The following MRPL58 variants were observed in gnomAD, a reference collection of about 807,000 sequenced individuals.
MRPL58 encodes large ribosomal subunit protein mL62.
MRPL58 carries 17 observed loss-of-function variants against 26.0 expected under a neutral mutation model. The ratio of observed to expected loss-of-function variants is 0.65; its 90% confidence interval spans 0.45 to 0.98. MRPL58 has a LOEUF of 0.98. Ranked by LOEUF, MRPL58 falls within the 50% of genes least tolerant of loss-of-function variation. The probability of loss-of-function intolerance (pLI) is 0.00; values close to 1 mark genes in which losing one functional copy is unlikely to be tolerated. For synonymous variants in MRPL58, 100 were observed against 99.7 expected (o/e 1.00, Z -0.02); for missense variants, 250 against 269.0 (o/e 0.93, Z 0.49).
intron 1 of MRPL58, among the ~76,000 whole-genome samples, chr17:75,015,063 T>C (rs2039963307): frequency 6.6e-6 from 1 of 152,116 alleles, no homozygotes; most frequent in Non-Finnish European, 1.5e-5. Flanking sequence ...GTAAGGGAAG[T>C]CCTCTGAGGC....
chr17:75,019,219 G>A (rs548281490), intron 2 of MRPL58, among the ~76,000 whole-genome samples: 22 of 152,190 alleles, frequency 1.4e-4, no homozygotes, highest in African/African-American at 4.3e-4. Flanking sequence ...AACTGGAGGC[G>A]AAGAGAAGTG....
At chr17:75,018,026 G>A (rs2039986617) in intron 2 of MRPL58, among the ~76,000 whole-genome samples, 1 of 152,160 alleles carries the variant, frequency 6.6e-6, no homozygotes, top group Non-Finnish European at 1.5e-5. Context: ...GTGTGCAGAA[G>A]TAGAATCTTT....
intron 1 of MRPL58, among the ~76,000 whole-genome samples, chr17:75,015,184 G>A (rs995185762): frequency 7.9e-5 from 12 of 152,162 alleles, no homozygotes; most frequent in Admixed American, 7.2e-4. Context: ...AAAGTTGGGT[G>A]TCAAAAACAG....
At chr17:75,020,464 C>T (rs772904543) in intron 4 of MRPL58, 24 bp from the exon 5 acceptor site, 8 of 1,613,616 alleles carry the variant, frequency 5.0e-6, no homozygotes, top group Middle Eastern at 1.6e-4. Flanking sequence ...TGTAGGACTC[C>T]AGTTTTTCAT....
At chr17:75,014,470 G>T (rs761292913) in intron 1 of MRPL58, among the ~76,000 whole-genome samples, 1 of 139,480 alleles carries the variant, frequency 7.2e-6, no homozygotes, top group South Asian at 2.4e-4. Flanking sequence ...TTGAGACAGG[G>T]TCTTACTCTG....
chr17:75,020,281 C>G lies in MRPL58; in HGVS notation c.284-32C>G, dbSNP rs375465568. ...GTTGATCCTTCCTGGAAGTCTCAGG[C>G]ACCCATGCTCCCTTCTCCCTTTCCT... On this transcript the variant is annotated intron_variant, in intron 3 of 5. Coordinates refer to ENST00000301585, the MANE Select transcript of MRPL58 (RefSeq NM_001545.3). The G allele has an allele frequency of 6.4e-6, 10 of 1,567,596 alleles. No individual in the cohort carries two copies. In the African/African-American group the frequency reaches 1.2e-4, roughly 19 times the overall value.
intron 2 of MRPL58, chr17:75,018,693 A>G (rs569993913): frequency 6.6e-6 from 1 of 152,286 alleles, no homozygotes; most frequent in African/African-American, 2.4e-5. Context: ...AGACATTTCC[A>G]TGTAAATAAA....
chr17:75,016,622 T>A (rs2039976298), intron 1 of MRPL58, among the ~76,000 whole-genome samples: 1 of 152,208 alleles, frequency 6.6e-6, no homozygotes, highest in African/African-American at 2.4e-5. Context: ...GTAGTTAGTT[T>A]GACAGAAACC....
chr17:75,015,415 CAG>C (rs569814621), intron 1 of MRPL58, among the ~76,000 whole-genome samples: 77 of 152,264 alleles, frequency 5.1e-4, no homozygotes, highest in African/African-American at 1.8e-3. Context: ...ACCCAGGAGG[CAG>C]AGGTTGCAGT....
chr17:75,012,995 AG>A, intron 1 of MRPL58, 123 bp downstream of exon 1: 1 of 888,512 alleles, frequency 1.1e-6, no homozygotes, highest in South Asian at 1.6e-5. Context: ...TCGCCGCGGG[AG>A]GGGGCTGGCT....
At chr17:75,020,169 T>C (rs2040004880) in intron 3 of MRPL58, 144 bp from the exon 4 acceptor site, 1 of 676,504 alleles carries the variant, frequency 1.5e-6, no homozygotes, top group Non-Finnish European at 2.6e-6. Context: ...GCGGGCTTGT[T>C]CATAGCCAAC....
chr17:75,013,345 G>A (rs2039948167), intron 1 of MRPL58, among the ~76,000 whole-genome samples: 1 of 152,178 alleles, frequency 6.6e-6, no homozygotes, highest in Admixed American at 6.5e-5. Flanking sequence ...ATTGAATCAA[G>A]CCCCGGAGCA....
chr17:75,015,987 G>A (rs2039970961), intron 1 of MRPL58, among the ~76,000 whole-genome samples: 1 of 151,556 alleles, frequency 6.6e-6, no homozygotes, highest in African/African-American at 2.4e-5. Flanking sequence ...GTTTCACCAT[G>A]TTGTCCAGGC....
rs1263692482 is a variant in MRPL58 at position 75,020,653 on chromosome 17, A to G, written c.532A>G (p.Ile178Val). 6.2e-7 allele frequency: 1 copy of G among 1,613,956 alleles called. No individual in the cohort carries two copies. Among genetic ancestry groups the G allele is most frequent in the Admixed American group, 1.7e-5 (1 of 60,020 alleles). The change falls in exon 5 of 6, where the codon ATC becomes GTC. Residue 178 changes from isoleucine (I) to valine (V), a missense_variant. Transcript: ENST00000301585. ...PTKEDVKLHR[I>V]RIENMNRERL... is the part of the protein sequence containing the mutation. ...AAAAGAAGATGTTAAACTTCATAGA[A>G]TCAGGTACCAGGAAATGCCCTAAGA...
Position 75,012,769 on chromosome 17 carries a change from G to T in MRPL58, c.83G>T (p.Arg28Leu). ...CCACCGCCCGCACGGTGCCCACGCC[G>T]GGCGCTGCACAAGCAGAAAGACGGC... The part of the protein sequence containing the change: ...LLPPPARCPR[R>L]ALHKQKDGTE... The change falls in exon 1 of 6, where the codon CGG (arginine) becomes CTG (leucine). Residue 28 changes from arginine (R) to leucine (L), a missense_variant. Arg to Leu is a moderately radical substitution (Grantham distance 102). Coordinates refer to ENST00000301585, the MANE Select transcript of MRPL58 (RefSeq NM_001545.3). 1.2e-6 allele frequency: 2 copies of T among 1,600,212 alleles called. No homozygotes were observed. Among genetic ancestry groups the T allele is most frequent in the Non-Finnish European group, 8.5e-7 (1 of 1,174,554 alleles).
rs376551440 is a variant in MRPL58 at position 75,020,402 on chromosome 17, A to G, written c.366+7A>G. On this transcript the variant is annotated splice_region_variant and intron_variant, in intron 4 of 5. Transcript: ENST00000301585. ...GCAGAAGATAGCCATCACGGTAACC[A>G]CCATCCCTTTCTTTCCCTAGAAATC... The G allele has an allele frequency of 1.2e-6, 2 of 1,614,082 alleles. No individual in the cohort carries two copies. The highest frequency in any genetic ancestry group is 3.3e-5 in the Admixed American group (2 of 60,014).
Position 75,020,866 on chromosome 17 carries a change from C to T in MRPL58, c.537-55C>T, listed in dbSNP as rs1051345861. ...GTTGAGCTCCCAACTCCTCTCACCACTTTGAAAAGCACTGATTGGGCATCT... is the reference window on the plus strand; with the variant it reads ...GTTGAGCTCCCAACTCCTCTCACCATTTTGAAAAGCACTGATTGGGCATCT... On this transcript the variant is annotated intron_variant, in intron 5 of 5. Transcript: ENST00000301585. The T allele has an allele frequency of 2.1e-6, 3 of 1,456,568 alleles. No homozygotes were observed. The African/African-American group carries it at 4.2e-5, about 20-fold the overall frequency. 90.2% of individuals were successfully genotyped at this position (1,456,568 alleles called of 1,614,324 possible). A position where few individuals can be genotyped will look rare whatever the true frequency, so the allele number is the denominator to read the frequency against.
At chr17:75,020,767 G>GGA in intron 5 of MRPL58, 110 bp downstream of exon 5, 1 of 1,308,836 alleles carries the variant, frequency 7.6e-7, no homozygotes, top group Non-Finnish European at 1.1e-6. Context: ...AGAAACTCTA[G>GGA]GAAGAGGAGA....
At chr17:75,013,132 C>G (rs534954130) in intron 1 of MRPL58, among the ~76,000 whole-genome samples, 1 of 152,306 alleles carries the variant, frequency 6.6e-6, no homozygotes, top group African/African-American at 2.4e-5. Context: ...CCTTGGCCCT[C>G]AAGACCAAAT....
Sources: gnomAD v4.1 joint callset for allele counts (sites outside exome capture counted in the v4.1 genomes callset) on GRCh38, gnomAD v4.1.1 for gene constraint, MANE v1.5 for transcripts, NCBI Gene and HGNC (gene_info 2026-07-23, HGNC 2026-07-21) for gene names.